The following BIVM variants were observed in gnomAD, a reference collection of about 807,000 sequenced individuals.
BIVM encodes the protein basic immunoglobulin-like variable motif-containing protein.
A neutral mutation model predicts 61.4 loss-of-function variants in BIVM; 31 were observed. The observed-to-expected ratio is 0.51, with a 90% CI of 0.38 to 0.68. The LOEUF is 0.68. BIVM is among the 30% of genes least tolerant of loss of function. The pLI, the probability that BIVM is intolerant of heterozygous loss-of-function variation, is 0.00. For synonymous variants in BIVM, 189 were observed against 210.7 expected (o/e 0.90, Z 0.89); for missense variants, 526 against 596.0 (o/e 0.88, Z 1.22).
At chr13:102,833,324 T>G (rs1881229211) in intron 8 of BIVM, among the ~76,000 whole-genome samples, 3 of 110,312 alleles carry the variant, frequency 2.7e-5, no homozygotes, top group Admixed American at 1.3e-4. Flanking sequence ...GGGGATAGGA[T>G]GGGTTTTTTT....
chr13:102,822,315 G>C (rs1403843854), intron 7 of BIVM, among the ~76,000 whole-genome samples, 156 bp downstream of exon 7: 1 of 152,180 alleles, frequency 6.6e-6, no homozygotes, highest in Non-Finnish European at 1.5e-5. Context: ...CATGTAATCT[G>C]TAGGGCACTT....
At chr13:102,822,311 A>T (rs1880348302) in intron 7 of BIVM, 152 bp downstream of exon 7, 2 of 682,252 alleles carry the variant, frequency 2.9e-6, no homozygotes, top group Non-Finnish European at 4.7e-6. Flanking sequence ...CTTGCATGTA[A>T]TCTGTAGGGC....
intron 10 of BIVM, 36 bp downstream of exon 10, chr13:102,838,775 C>T (rs201571203): frequency 1.8e-5 from 28 of 1,584,930 alleles, no homozygotes; most frequent in Non-Finnish European, 2.3e-5. Context: ...AGGCATTTCC[C>T]AGCTGACCAA....
intron 7 of BIVM, among the ~76,000 whole-genome samples, chr13:102,826,884 G>A (rs1475414639): frequency 3.9e-5 from 6 of 152,070 alleles, no homozygotes; most frequent in Admixed American, 2.6e-4. Context: ...TAGAATAAGA[G>A]AGAAAATCTA....
intron 1 of BIVM, among the ~76,000 whole-genome samples, chr13:102,803,969 C>T (rs1878904918): frequency 2.6e-5 from 4 of 152,228 alleles, no homozygotes; most frequent in Admixed American, 2.6e-4. Context: ...GAGAGCACCA[C>T]TTCCACTTGA....
chr13:102,835,357 C>G (rs934389019), intron 9 of BIVM, among the ~76,000 whole-genome samples: 2 of 152,050 alleles, frequency 1.3e-5, no homozygotes, highest in African/African-American at 4.8e-5. Flanking sequence ...GTGTACAATT[C>G]CATAGATTTT....
chr13:102,822,858 C>T (rs950945536), intron 7 of BIVM, among the ~76,000 whole-genome samples: 3 of 152,052 alleles, frequency 2.0e-5, no homozygotes, highest in Non-Finnish European at 4.4e-5. Flanking sequence ...TTGTGAAAGG[C>T]CTATTGTAGT....
In BIVM at chr13:102,840,775, T is replaced by C. The variant is rs1242640764; in HGVS notation, c.*910T>C. 6.6e-6 allele frequency: 1 copy of C among 151,588 alleles called. No homozygotes were observed. The highest frequency in any genetic ancestry group is 2.4e-5 in the African/African-American group (1 of 41,332). The allele number at this position is 151,588 out of a possible 1,614,324, so 9.4% of individuals were successfully genotyped here. On this transcript the variant is annotated 3_prime_UTR_variant, in exon 11 of 11. Coordinates refer to ENST00000257336, the MANE Select transcript of BIVM (RefSeq NM_017693.4). ...TTCAGATTTTTAAAATTTCTTGATG[T>C]GGTTTGTAATAATCAAATATTGACA...
intron 6 of BIVM, 79 bp from the exon 7 acceptor site, chr13:102,821,986 C>T: frequency 6.4e-7 from 1 of 1,573,184 alleles, no homozygotes. Context: ...TGGGCTATGC[C>T]TGAATTTCTT....
intron 7 of BIVM, among the ~76,000 whole-genome samples, chr13:102,829,613 C>T (rs1485329007): frequency 6.6e-6 from 1 of 151,872 alleles, no homozygotes; most frequent in African/African-American, 2.4e-5. Flanking sequence ...CTGAGAGGGG[C>T]GGGACACTTG....
chr13:102,821,218 AT>A, intron 5 of BIVM, 86 bp downstream of exon 5: 2 of 1,182,760 alleles, frequency 1.7e-6, no homozygotes, highest in Non-Finnish European at 1.2e-6. Context: ...TTAAGAATAG[AT>A]TTTTTATAAA....
intron 7 of BIVM, among the ~76,000 whole-genome samples, chr13:102,824,381 T>G (rs558215694): frequency 8.5e-5 from 13 of 152,208 alleles, no homozygotes; most frequent in Non-Finnish European, 1.2e-4. Flanking sequence ...TAAAGCTTAA[T>G]TTCTTTTTAA....
Position 102,807,174 on chromosome 13 carries a change from A to G in BIVM, c.-94A>G. On this transcript the variant is annotated 5_prime_UTR_variant, in exon 3 of 11. Transcript: ENST00000257336. This position sits in a 1 kb window ranked among gnomAD's most constrained non-coding sequence, Gnocchi z 4.0. ...CTCATTTTGCAGCTCTCAAGCTTTT[A>G]TAGCATGCTGTAAACAATTGTCAAA... 7.4e-7 allele frequency: 1 copy of G among 1,353,270 alleles called. No individual in the cohort carries two copies. The highest frequency in any genetic ancestry group is 1.0e-6 in the Non-Finnish European group (1 of 1,004,230). The allele number at this position is 1,353,270 out of a possible 1,614,324, so 83.8% of individuals were successfully genotyped here.
rs1881710074 is a variant in BIVM at position 102,839,730 on chromosome 13, G to A, written c.1377G>A (p.Lys459=). Residue 459 remains lysine, a synonymous_variant, in exon 11 of 11, where the codon AAG becomes AAA. Coordinates refer to ENST00000257336, the MANE Select transcript of BIVM (RefSeq NM_017693.4). ...AKSESEDNIS[K]KQHGRLGRSF... is the part of the protein sequence containing the mutation. ...CTGAGAGTGAAGACAATATTTCCAAGAAGCAGCATGGGCGTCTGGGCCGGT... is the reference window on the plus strand; with the variant it reads ...CTGAGAGTGAAGACAATATTTCCAAAAAGCAGCATGGGCGTCTGGGCCGGT... The A allele has an allele frequency of 6.2e-7, 1 of 1,614,054 alleles. No individual in the cohort carries two copies. The highest frequency in any genetic ancestry group is 1.7e-5 in the Admixed American group (1 of 60,006).
chr13:102,817,082 G>A (rs986603312), intron 4 of BIVM, among the ~76,000 whole-genome samples: 2 of 152,114 alleles, frequency 1.3e-5, no homozygotes, highest in African/African-American at 4.8e-5. Context: ...GGACCCAGTT[G>A]TGAACCACAT....
At chr13:102,805,835 CTTCAT>C (rs1414382130) in intron 2 of BIVM, among the ~76,000 whole-genome samples, 2 of 152,182 alleles carry the variant, frequency 1.3e-5, no homozygotes, top group Non-Finnish European at 2.9e-5. Context: ...TGGGTCAGTA[CTTCAT>C]TTCTTTTTAT....
intron 4 of BIVM, chr13:102,816,787 C>G: frequency 4.0e-6 from 1 of 250,210 alleles, no homozygotes; most frequent in Non-Finnish European, 7.3e-6. Flanking sequence ...CTGTGTGACT[C>G]CACGTAACTG....
intron 7 of BIVM, among the ~76,000 whole-genome samples, chr13:102,825,924 G>A (rs566478011): frequency 1.5e-4 from 23 of 152,182 alleles, no homozygotes; most frequent in African/African-American, 5.1e-4. Flanking sequence ...GTAATTCTTG[G>A]TGCACCGTAT....
intron 7 of BIVM, among the ~76,000 whole-genome samples, chr13:102,823,082 C>A (rs1313357301): frequency 6.6e-6 from 1 of 152,162 alleles, no homozygotes; most frequent in East Asian, 1.9e-4. Context: ...CCGTAAGGAA[C>A]TTGATTAGAT....
Sources: allele counts gnomAD v4.1 joint callset (sites outside exome capture counted in the v4.1 genomes callset), GRCh38; gene constraint gnomAD v4.1.1; non-coding constraint Gnocchi (gnomAD v3.1); transcripts MANE v1.5; gene names NCBI Gene and HGNC (gene_info 2026-07-23, HGNC 2026-07-21).